The following ZMYM4 variants were observed in gnomAD, a reference collection of about 807,000 sequenced individuals.
ZMYM4 encodes zinc finger MYM-type containing 4, also known as zinc finger MYM-type protein 4.
A neutral mutation model predicts 183.2 loss-of-function variants in ZMYM4; 31 were observed. The ratio of observed to expected loss-of-function variants is 0.17; its 90% CI spans 0.13 to 0.23. The LOEUF (loss-of-function observed/expected upper bound fraction) is 0.23, where lower values mean the gene tolerates loss of function less well. Among genes scored for constraint, ZMYM4 ranks in the 10% least tolerant of loss-of-function variants. The probability of loss-of-function intolerance (pLI) is 1.00; values close to 1 mark genes in which losing one functional copy is unlikely to be tolerated. For synonymous variants in ZMYM4, 592 were observed against 631.2 expected (o/e 0.94, Z 0.93); for missense variants, 1,273 against 1,840.3 (o/e 0.69, Z 5.64).
intron 1 of ZMYM4, among the ~76,000 whole-genome samples, chr1:35,281,294 A>C (rs1640144801): frequency 6.6e-6 from 1 of 152,176 alleles, no homozygotes; most frequent in Admixed American, 6.6e-5. Context: ...AAAAAAAAAA[A>C]AAAATTACCT....
chr1:35,381,137 T>G lies in ZMYM4; in HGVS notation c.1182-122T>G, dbSNP rs554179739. 1.0e-5 allele frequency: 8 copies of G among 794,200 alleles called. No individual in the cohort carries two copies. In the East Asian group the frequency reaches 2.3e-4, roughly 23 times the overall value. 49.2% of individuals were successfully genotyped at this position (794,200 alleles called of 1,614,324 possible). Reference sequence around the variant, plus strand: ...CCCAGAAAATTAAAGTTTTTAAACTTAAATTCCAGTGTTATTTCCCTACAG... The same window carrying G: ...CCCAGAAAATTAAAGTTTTTAAACTGAAATTCCAGTGTTATTTCCCTACAG... On this transcript the variant is annotated intron_variant, in intron 7 of 29. Coordinates refer to ENST00000314607, the MANE Select transcript of ZMYM4 (RefSeq NM_005095.3).
intron 2 of ZMYM4, among the ~76,000 whole-genome samples, chr1:35,338,838 C>G (rs190638564): frequency 7.9e-4 from 121 of 152,280 alleles, no homozygotes; most frequent in Non-Finnish European, 1.4e-3. Flanking sequence ...TAGGCATTCT[C>G]TAAATGTTCT....
At chr1:35,344,729 A>G (rs1365050186) in intron 2 of ZMYM4, among the ~76,000 whole-genome samples, 2 of 152,160 alleles carry the variant, frequency 1.3e-5, no homozygotes, top group Non-Finnish European at 2.9e-5. Context: ...CAATTTGCCA[A>G]TATTTTAAGT....
Position 35,370,056 on chromosome 1 carries a change from A to C in ZMYM4, c.868A>C (p.Thr290Pro), listed in dbSNP as rs922006788. The C allele has an allele frequency of 6.2e-7, 1 of 1,613,132 alleles. No individual in the cohort carries two copies. Among genetic ancestry groups the C allele is most frequent in the Non-Finnish European group, 8.5e-7 (1 of 1,179,478 alleles). Residue 290 changes from threonine (T) to proline (P), a missense_variant, in exon 6 of 30, where the codon ACT (threonine) becomes CCT (proline). This residue lies in a region of ZMYM4 where 384 missense variants were observed against 465.6 expected (regional missense o/e 0.82). Transcript: ENST00000314607. Reference sequence around the variant, plus strand: ...GTATAGTCATGGCCAACAGCAAAAAACTCAAGAGGGGGAACTGAAAATTAG... The same window carrying C: ...GTATAGTCATGGCCAACAGCAAAAACCTCAAGAGGGGGAACTGAAAATTAG... The part of the protein sequence containing the change: ...QEYSHGQQQK[T>P]QEGELKISAV...
intron 1 of ZMYM4, among the ~76,000 whole-genome samples, chr1:35,282,990 T>G (rs912575745): frequency 1.4e-5 from 1 of 70,830 alleles, no homozygotes; most frequent in Non-Finnish European, 2.3e-5. Context: ...GTTTTTTTTT[T>G]TTTTTTTTTT....
chr1:35,417,013 A>G (rs1245394778), intron 28 of ZMYM4, among the ~76,000 whole-genome samples: 1 of 152,194 alleles, frequency 6.6e-6, no homozygotes, highest in East Asian at 1.9e-4. Flanking sequence ...TGCTAAATGG[A>G]AAATGGGTGA....
intron 4 of ZMYM4, 103 bp downstream of exon 4, chr1:35,361,358 ATTTTT>A: frequency 2.1e-6 from 2 of 940,292 alleles, no homozygotes; most frequent in Non-Finnish European, 3.0e-6. Flanking sequence ...TAGAGCACTG[ATTTTT>A]TTTTTTTAAT....
intron 1 of ZMYM4, among the ~76,000 whole-genome samples, chr1:35,323,149 C>T (rs1431525606): frequency 1.3e-5 from 2 of 151,058 alleles, no homozygotes; most frequent in Non-Finnish European, 2.9e-5. Flanking sequence ...TTACAGGTGC[C>T]CGCCACCACG....
intron 5 of ZMYM4, among the ~76,000 whole-genome samples, chr1:35,365,410 A>G (rs973449200): frequency 2.0e-5 from 3 of 152,096 alleles, no homozygotes; most frequent in African/African-American, 7.2e-5. Flanking sequence ...CATTCAGTAA[A>G]TACTACATTA....
chr1:35,351,336 T>G (rs1353969250), intron 2 of ZMYM4: 2 of 1,562,964 alleles, frequency 1.3e-6, no homozygotes, highest in African/African-American at 2.7e-5. Flanking sequence ...AGTTGCAGAT[T>G]ACATGCACTA....
At chr1:35,279,406 CT>C (rs1640032617) in intron 1 of ZMYM4, among the ~76,000 whole-genome samples, 2 of 152,194 alleles carry the variant, frequency 1.3e-5, no homozygotes, top group East Asian at 3.8e-4. Flanking sequence ...ATAACCCCAT[CT>C]CCATTCCTCG....
intron 2 of ZMYM4, among the ~76,000 whole-genome samples, chr1:35,339,829 C>T (rs1243912754): frequency 6.6e-6 from 1 of 152,110 alleles, no homozygotes. Flanking sequence ...TAATAAATTA[C>T]CTTACTCACC....
At chr1:35,283,066 TCACCA>T (rs1292374392) in intron 1 of ZMYM4, among the ~76,000 whole-genome samples, 13 of 130,244 alleles carry the variant, frequency 1.0e-4, no homozygotes, top group African/African-American at 3.7e-4. Context: ...TGGTGCCATC[TCACCA>T]CACTGTAACC....
chr1:35,358,710 T>C (rs1643880843), intron 2 of ZMYM4: 1 of 464,552 alleles, frequency 2.2e-6, no homozygotes, highest in African/African-American at 2.0e-5. Context: ...TTTTCTAACC[T>C]AAAGTAGTTT....
intron 2 of ZMYM4, chr1:35,351,250 A>G: frequency 6.4e-7 from 1 of 1,564,454 alleles, no homozygotes; most frequent in Non-Finnish European, 8.8e-7. Context: ...CACAGTACCA[A>G]ACGATTCCCT....
chr1:35,283,005 T>G (rs1480121151), intron 1 of ZMYM4, among the ~76,000 whole-genome samples: 1 of 97,556 alleles, frequency 1.0e-5, no homozygotes, highest in Non-Finnish European at 1.8e-5. Flanking sequence ...TTTTTTTTTT[T>G]TTTTTTTTTT....
chr1:35,351,072 T>C, intron 2 of ZMYM4: 2 of 848,774 alleles, frequency 2.4e-6, no homozygotes, highest in Non-Finnish European at 4.0e-6. Context: ...GGACAAGATC[T>C]GTGAATGCCA....
intron 7 of ZMYM4, among the ~76,000 whole-genome samples, chr1:35,372,532 A>G (rs1301310469): frequency 6.6e-6 from 1 of 152,192 alleles, no homozygotes; most frequent in African/African-American, 2.4e-5. Context: ...TCTCACCACA[A>G]AAATGGTAAC....
intron 2 of ZMYM4, among the ~76,000 whole-genome samples, chr1:35,327,757 A>G (rs988575672): frequency 1.3e-5 from 2 of 152,224 alleles, no homozygotes; most frequent in African/African-American, 4.8e-5. Context: ...AAAGGAGATC[A>G]TGTCTGTTCT....
Sources: allele counts gnomAD v4.1 joint callset (sites outside exome capture counted in the v4.1 genomes callset), GRCh38; gene constraint gnomAD v4.1.1; regional missense constraint gnomAD v4.1.1; transcripts MANE v1.5; gene names NCBI Gene and HGNC (gene_info 2026-07-23, HGNC 2026-07-21).